Variants in DACH2 observed in about 807,000 individuals in gnomAD.
DACH2 encodes the protein dachshund family transcription factor 2.
A neutral mutation model predicts 35.8 loss-of-function variants in DACH2; 17 were observed. The ratio of observed to expected loss-of-function variants is 0.48; its 90% CI spans 0.33 to 0.71. DACH2 has a LOEUF of 0.71. Ranked by LOEUF, DACH2 falls within the 30% of genes least tolerant of loss-of-function variation. The probability of loss-of-function intolerance (pLI) is 0.02; values close to 1 mark genes in which losing one functional copy is unlikely to be tolerated. For missense variants in DACH2, 469 were observed against 472.7 expected (o/e 0.99, Z 0.07); for synonymous variants, 195 against 177.3 (o/e 1.10, Z -0.79).
Position 86,415,453 on chromosome X carries a change from G to T in DACH2, c.527+38591G>T, listed in dbSNP as rs536956449. 5.0e-4 allele frequency among the ~76,000 whole-genome samples: 56 copies of T among 112,007 alleles called. No homozygotes were observed. The South Asian group carries it at 0.02, about 40-fold the overall frequency. ...TTTTCATTTGATAAGAAAAAGAAAA[G>T]AATTGTGATTTCCTTCTACATCTCT... On this transcript the variant is annotated intron_variant, in intron 2 of 11. Coordinates refer to ENST00000373125, the MANE Select transcript of DACH2 (RefSeq NM_053281.3).
intron 1 of DACH2, among the ~76,000 whole-genome samples, chrX:86,186,648 G>A (rs1323680957): frequency 1.8e-5 from 2 of 111,460 alleles, no homozygotes; most frequent in Non-Finnish European, 3.8e-5. Flanking sequence ...CGGCTGCACA[G>A]GATTTAATTA....
chrX:86,520,864 A>G (rs62594977), intron 3 of DACH2, among the ~76,000 whole-genome samples: 5,577 of 111,038 alleles, frequency 0.05, 119 homozygotes, highest in Middle Eastern at 0.09. Flanking sequence ...TCTTGCCACT[A>G]TGTGCCTTTT....
intron 1 of DACH2, among the ~76,000 whole-genome samples, chrX:86,354,161 A>T (rs1285221835): frequency 5.8e-5 from 1 of 17,387 alleles, no homozygotes; most frequent in African/African-American, 5.4e-4. Flanking sequence ...TTAAAAAGTC[A>T]GGAAACAACA....
chrX:86,180,176 G>GTATATATATATATATATATATATA (rs72366047), intron 1 of DACH2, among the ~76,000 whole-genome samples: 439 of 42,876 alleles, frequency 0.01, 59 homozygotes, highest in Non-Finnish European at 0.016. Flanking sequence ...ATGCTAAACC[G>GTATATATATATATATATATATATA]TATATATATA....
chrX:86,307,096 T>C (rs1336598152), intron 1 of DACH2, among the ~76,000 whole-genome samples: 2 of 111,870 alleles, frequency 1.8e-5, no homozygotes, highest in African/African-American at 3.2e-5. Context: ...CATAATATCA[T>C]TGGCCATATA....
chrX:86,450,730 CT>C (rs376487758), intron 2 of DACH2, among the ~76,000 whole-genome samples: 205 of 101,772 alleles, frequency 2.0e-3, no homozygotes, highest in African/African-American at 4.9e-3. Flanking sequence ...TTGCCAGAAC[CT>C]TTTTTTTTTT....
chrX:86,632,355 A>G (rs2040211314), intron 3 of DACH2, among the ~76,000 whole-genome samples: 1 of 111,008 alleles, frequency 9.0e-6, no homozygotes, highest in African/African-American at 3.3e-5. Context: ...CTCTAGACTT[A>G]GAGTTTTGCA....
At chrX:86,685,645 T>C (rs967017877) in intron 4 of DACH2, among the ~76,000 whole-genome samples, 3 of 111,184 alleles carry the variant, frequency 2.7e-5, no homozygotes, top group African/African-American at 9.8e-5. Context: ...AAACGATAAA[T>C]GGTGGTTCTG....
intron 1 of DACH2, among the ~76,000 whole-genome samples, chrX:86,283,462 A>C (rs1009154628): frequency 9.0e-6 from 1 of 111,505 alleles, no homozygotes; most frequent in African/African-American, 3.3e-5. Flanking sequence ...ACAATAGCAA[A>C]GACTCAGAAC....
chrX:86,774,591 G>C (rs1334000973), intron 7 of DACH2, among the ~76,000 whole-genome samples: 1 of 111,721 alleles, frequency 9.0e-6, no homozygotes, highest in Non-Finnish European at 1.9e-5. Flanking sequence ...ATTTTGGGGG[G>C]TTTGTTATTC....
chrX:86,564,713 C>T (rs1569441718), intron 3 of DACH2, among the ~76,000 whole-genome samples: 1 of 111,479 alleles, frequency 9.0e-6, no homozygotes, highest in Admixed American at 9.6e-5. Flanking sequence ...CTTCTAACAG[C>T]AGCAACCATG....
chrX:86,744,140 A>T (rs1192702916), intron 7 of DACH2, among the ~76,000 whole-genome samples: 1 of 111,547 alleles, frequency 9.0e-6, no homozygotes, highest in Non-Finnish European at 1.9e-5. Flanking sequence ...TCTGATTTTC[A>T]TAAAATATAT....
intron 1 of DACH2, among the ~76,000 whole-genome samples, chrX:86,198,613 G>A (rs2032058602): frequency 9.0e-6 from 1 of 111,141 alleles, no homozygotes; most frequent in Non-Finnish European, 1.9e-5. Flanking sequence ...AATACAAATA[G>A]CCATCACATA....
chrX:86,567,973 C>T (rs1411766241), intron 3 of DACH2, among the ~76,000 whole-genome samples: 1 of 110,881 alleles, frequency 9.0e-6, no homozygotes, highest in East Asian at 2.8e-4. Flanking sequence ...TTATTCGCTG[C>T]TAAAAGAAAT....
intron 1 of DACH2, among the ~76,000 whole-genome samples, chrX:86,182,843 T>C (rs1234694531): frequency 1.8e-5 from 2 of 111,741 alleles, no homozygotes; most frequent in African/African-American, 6.5e-5. Flanking sequence ...TGTCCTCTTT[T>C]ATTTCATTGA....
chrX:86,648,710 C>T (rs546778188), intron 3 of DACH2, among the ~76,000 whole-genome samples: 2 of 110,486 alleles, frequency 1.8e-5, no homozygotes, highest in African/African-American at 6.6e-5. Context: ...TAGCTCCAAG[C>T]TCATCAAGTT....
intron 4 of DACH2, among the ~76,000 whole-genome samples, chrX:86,669,557 C>T (rs777038685): frequency 5.4e-5 from 6 of 111,051 alleles, no homozygotes; most frequent in South Asian, 7.6e-4. Context: ...GATTTCTCTT[C>T]GGTATTAGAA....
chrX:86,377,976 A>G, intron 2 of DACH2, among the ~76,000 whole-genome samples: 1 of 110,595 alleles, frequency 9.0e-6, no homozygotes, highest in Middle Eastern at 4.6e-3. Flanking sequence ...GGGGAGACTA[A>G]AACCCACTAG....
intron 1 of DACH2, among the ~76,000 whole-genome samples, chrX:86,206,334 C>T (rs1168280224): frequency 9.0e-6 from 1 of 111,241 alleles, no homozygotes; most frequent in Non-Finnish European, 1.9e-5. Context: ...TCCTAGTTAG[C>T]GTTCTGTTGG....
Sources: allele counts gnomAD v4.1 joint callset (sites outside exome capture counted in the v4.1 genomes callset), GRCh38; gene constraint gnomAD v4.1.1; transcripts MANE v1.5; gene names NCBI Gene and HGNC (gene_info 2026-07-23, HGNC 2026-07-21).